Variants in PRR32 observed in about 807,000 individuals in gnomAD.
PRR32 encodes the protein proline-rich protein 32.
In PRR32, 2 loss-of-function variants were observed where a neutral mutation model predicts 1.3. The ratio of observed to expected loss-of-function variants is 1.49; its 90% confidence interval spans 0.61 to 4.68. The LOEUF (loss-of-function observed/expected upper bound fraction) is 4.68, where lower values mean the gene tolerates loss of function less well. Ranked by LOEUF, PRR32 falls within the 30% of genes most tolerant of loss-of-function variation. PRR32 has a pLI of 0.06. For synonymous variants in PRR32, 107 were observed against 88.7 expected (o/e 1.21, Z -1.16); for missense variants, 241 against 232.5 (o/e 1.04, Z -0.24).
rs770624331 is a variant in PRR32, at chrX:126,821,530, A to G, written c.892A>G (p.Ser298Gly). 1 of 1,161,547 alleles carries G rather than the reference A, an allele frequency of 8.6e-7. No homozygotes were observed. Among genetic ancestry groups the G allele is most frequent in the Non-Finnish European group, 1.1e-6 (1 of 871,327 alleles). The part of the protein sequence containing the change: ...PAPASPNREH[S>G] ...TCCTGCATCACCCAACAGAGAGCAC[A>G]GCTGATGGCAAAAAGGAAGGATGAA... The change falls in exon 2 of 2, where the codon AGC (serine) becomes GGC (glycine). Residue 298 changes from serine to glycine, a missense_variant. Coordinates refer to ENST00000371125, the MANE Select transcript of PRR32 (RefSeq NM_001122716.2).
rs991814712 is a variant in PRR32 at position 126,821,566 on chromosome X, T to C, written c.*31T>C. The C allele has an allele frequency of 3.7e-5, 42 of 1,149,373 alleles. No individual in the cohort carries two copies. The highest frequency in any genetic ancestry group is 4.5e-5 in the Non-Finnish European group (39 of 867,269). The allele number at this position is 1,149,373 out of a possible 1,213,427, so 94.7% of individuals were successfully genotyped here. A position where few individuals can be genotyped will look rare whatever the true frequency, so the allele number is the denominator to read the frequency against. On this transcript the variant is annotated 3_prime_UTR_variant, in exon 2 of 2. Transcript: ENST00000371125. The stretch of plus-strand genomic sequence containing the variant: ...AAAAGGAAGGATGAAAAAAGGGTTG[T>C]GGAAAGAGGTGAAAGTTATTCATTT...
At position 126,821,456 on chromosome X, in the gene PRR32, C is replaced by T. The variant is rs990785579; in HGVS notation, c.818C>T (p.Pro273Leu). Reference protein sequence around the residue: ...LPFAPPPIFGPPLPSYFAHFH... With the variant: ...LPFAPPPIFGLPLPSYFAHFH... ...TTTGCTCCTCCTCCGATATTTGGTC[C>T]TCCACTGCCTTCTTATTTTGCCCAT... The change falls in exon 2 of 2, where the codon CCT becomes CTT. Residue 273 changes from proline (P) to leucine (L), a missense_variant. Pro to Leu is a moderately conservative substitution (Grantham distance 98). Coordinates refer to ENST00000371125, the MANE Select transcript of PRR32 (RefSeq NM_001122716.2). 4 of 1,168,158 alleles carry T rather than the reference C, an allele frequency of 3.4e-6. No homozygotes were observed. The East Asian group carries it at 9.8e-5, about 28-fold the overall frequency.
At position 126,821,103 on chromosome X, in the gene PRR32, T is replaced by A. The variant is rs990838083; in HGVS notation, c.465T>A (p.Ser155Arg). ...KVNNGGTERGSNNARLHVALP... is the reference protein window; with the variant it reads ...KVNNGGTERGRNNARLHVALP... ...ACAATGGGGGCACTGAGAGAGGCAG[T>A]AATAACGCAAGGTTGCATGTAGCTT... The change falls in exon 2 of 2, where the codon AGT (serine) becomes AGA (arginine). Residue 155 changes from serine to arginine, a missense_variant. Physicochemically the swap from Ser to Arg is moderately radical, Grantham distance 110. Transcript: ENST00000371125. 1 of 1,165,927 alleles carries A rather than the reference T, an allele frequency of 8.6e-7. No individual in the cohort carries two copies.
chrX:126,821,186 ATATTCCCACCCTTAGATCAGGGATAG>A lies in PRR32; in HGVS notation c.551_576del (p.Ile184AsnfsTer32), dbSNP rs1569318116. ...GGCCCACAAGTGAGAGGCCCTTCAC[ATATTCCCACCCTTAGATCAGGGATAG>A]TAATGGAGGTGCCGCCCGGAAATAC... On this transcript the variant is annotated frameshift_variant, in exon 2 of 2. Transcript: ENST00000371125. LOFTEE classifies it low-confidence loss of function (END_TRUNC). 8.6e-7 allele frequency: 1 copy of A among 1,167,869 alleles called. No individual in the cohort carries two copies. Among genetic ancestry groups the A allele is most frequent in the East Asian group, 3.3e-5 (1 of 30,729 alleles).
rs1930543667 is a variant in PRR32 at position 126,820,860 on chromosome X, T to C, written c.222T>C (p.Ser74=). The C allele has an allele frequency of 8.6e-7, 1 of 1,167,720 alleles. No homozygotes were observed. The highest frequency in any genetic ancestry group is 1.1e-6 in the Non-Finnish European group (1 of 872,948). Residue 74 remains serine (S), a synonymous_variant, in exon 2 of 2, where the codon TCT becomes TCC. Transcript: ENST00000371125. The part of the protein sequence containing the change: ...DLDSKQLEWP[S]ERTGSCIPLH... ...ATAGCAAGCAACTGGAGTGGCCCTC[T>C]GAAAGAACAGGATCCTGCATTCCTC...
intron 1 of PRR32, among the ~76,000 whole-genome samples, chrX:126,820,253 T>G: frequency 9.2e-6 from 1 of 108,952 alleles, no homozygotes; most frequent in Middle Eastern, 4.7e-3. Flanking sequence ...AAGAAAAAGA[T>G]ATTTTACTTC....
At chrX:126,820,544 G>A in intron 1 of PRR32, 115 bp from the exon 2 acceptor site, 1 of 933,352 alleles carries the variant, frequency 1.1e-6, no homozygotes, top group Non-Finnish European at 1.4e-6. Flanking sequence ...TAGGGGAGAG[G>A]GCACTCCTTT....
At position 126,821,610 on chromosome X, in the gene PRR32, C is replaced by A. The variant is rs1229328296; in HGVS notation, c.*75C>A. ...TTCATTTATGCTTTTATATTTGAAA[C>A]CTTGTACCCTCCCACACTCTGTTTA... is the stretch of plus-strand genomic sequence containing the variant. On this transcript the variant is annotated 3_prime_UTR_variant, in exon 2 of 2. Transcript: ENST00000371125. The A allele has an allele frequency of 9.2e-7, 1 of 1,091,681 alleles. No homozygotes were observed. The highest frequency in any genetic ancestry group is 1.2e-6 in the Non-Finnish European group (1 of 827,808). 90.0% of individuals were successfully genotyped at this position (1,091,681 alleles called of 1,213,427 possible).
In PRR32 at chrX:126,821,303, T is replaced by A. The variant is rs1362442186; in HGVS notation, c.665T>A (p.Met222Lys). 1 of 1,168,560 alleles carries A rather than the reference T, an allele frequency of 8.6e-7. No individual in the cohort carries two copies. The highest frequency in any genetic ancestry group is 1.1e-6 in the Non-Finnish European group (1 of 873,176). ...SFPLRGPCHPMHNWPRPIPLS... is the reference protein window; with the variant it reads ...SFPLRGPCHPKHNWPRPIPLS... Reference sequence around the variant, plus strand: ...CCACTCAGGGGCCCATGCCACCCCATGCATAATTGGCCAAGGCCTATCCCG... The same window carrying A: ...CCACTCAGGGGCCCATGCCACCCCAAGCATAATTGGCCAAGGCCTATCCCG... Residue 222 changes from methionine (M) to lysine (K), a missense_variant, in exon 2 of 2, where the codon ATG (methionine) becomes AAG (lysine). Coordinates refer to ENST00000371125, the MANE Select transcript of PRR32 (RefSeq NM_001122716.2).
chrX:126,820,626 T>C (rs767745021), intron 1 of PRR32, 33 bp from the exon 2 acceptor site: 64 of 1,145,728 alleles, frequency 5.6e-5, no homozygotes, highest in Non-Finnish European at 7.0e-5. Context: ...GCATTTCCAT[T>C]TTTATTAGCT....
At chrX:126,819,931 T>TA in intron 1 of PRR32, 68 bp downstream of exon 1, 1 of 1,029,568 alleles carries the variant, frequency 9.7e-7, no homozygotes, top group East Asian at 3.4e-5. Context: ...CTTTATTGTG[T>TA]AACTGGGACA....
intron 1 of PRR32, 23 bp downstream of exon 1, chrX:126,819,886 C>A: frequency 8.6e-7 from 1 of 1,159,249 alleles, no homozygotes; most frequent in Non-Finnish European, 1.2e-6. Flanking sequence ...CCGAGTACAA[C>A]TGTTTAATTT....
chrX:126,821,027 G>C lies in PRR32; in HGVS notation c.389G>C (p.Trp130Ser). 1 of 1,165,113 alleles carries C rather than the reference G, an allele frequency of 8.6e-7. No individual in the cohort carries two copies. ...QEGQDAINVS[W>S]EVSGGPPALI... ...GGACAGGATGCTATTAATGTGTCCT[G>C]GGAAGTCTCTGGCGGCCCTCCTGCA... is the stretch of plus-strand genomic sequence containing the variant. The change falls in exon 2 of 2, where the codon TGG (tryptophan) becomes TCG (serine). Residue 130 changes from tryptophan (W) to serine (S), a missense_variant. Transcript: ENST00000371125.
chrX:126,819,861 C>T lies in PRR32; in HGVS notation c.18C>T (p.Asn6=), dbSNP rs775157981. 3.9e-5 allele frequency: 45 copies of T among 1,162,283 alleles called. No individual in the cohort carries two copies. Among genetic ancestry groups the T allele is most frequent in the African/African-American group, 1.8e-4 (10 of 55,453 alleles). ...ATTTCTTCATGGCTTGTATTGAAAACGTGTAAGTACAAAACCGAGTACAAC... is the reference window on the plus strand; with the variant it reads ...ATTTCTTCATGGCTTGTATTGAAAATGTGTAAGTACAAAACCGAGTACAAC... MACIE[N]VLGGHAPSPL... is the part of the protein sequence containing the mutation. Residue 6 remains asparagine (N), a splice_region_variant and synonymous_variant, in exon 1 of 2, where the codon AAC becomes AAT. Coordinates refer to ENST00000371125, the MANE Select transcript of PRR32 (RefSeq NM_001122716.2).
rs960369620 is a variant in PRR32, at chrX:126,821,564, T to C, written c.*29T>C. The C allele has an allele frequency of 3.2e-5, 37 of 1,152,518 alleles. No homozygotes were observed. The highest frequency in any genetic ancestry group is 2.3e-4 in the Middle Eastern group (1 of 4,262). 95.0% of individuals were successfully genotyped at this position (1,152,518 alleles called of 1,213,427 possible). A position where few individuals can be genotyped will look rare whatever the true frequency, so the allele number is the denominator to read the frequency against. On this transcript the variant is annotated 3_prime_UTR_variant, in exon 2 of 2. Coordinates refer to ENST00000371125, the MANE Select transcript of PRR32 (RefSeq NM_001122716.2). ...CAAAAAGGAAGGATGAAAAAAGGGT[T>C]GTGGAAAGAGGTGAAAGTTATTCAT...
rs1430047111 is a variant in PRR32, at chrX:126,820,697, T to C, written c.59T>C (p.Val20Ala). Residue 20 changes from valine (V) to alanine (A), a missense_variant, in exon 2 of 2, where the codon GTG becomes GCG. By Grantham distance (64) the Val-to-Ala change is moderately conservative. Coordinates refer to ENST00000371125, the MANE Select transcript of PRR32 (RefSeq NM_001122716.2). The part of the protein sequence containing the change: ...GHAPSPLVVS[V>A]DKNGNQELHH... ...GCCCCTTCACCCTTGGTAGTATCTG[T>C]GGACAAAAATGGGAACCAGGAGCTG... The C allele has an allele frequency of 1.1e-5, 13 of 1,167,876 alleles. No homozygotes were observed. Among genetic ancestry groups the C allele is most frequent in the Admixed American group, 2.6e-5 (1 of 38,729 alleles).
In PRR32 at chrX:126,821,371, C is replaced by T; in HGVS notation, c.733C>T (p.His245Tyr). The part of the protein sequence containing the change: ...TPGLPSCSTV[H>Y]CFIPPRPPIF... ...AGGTTTACCTTCTTGCTCTACTGTTCATTGTTTCATCCCTCCTCGACCTCC... is the reference window on the plus strand; with the variant it reads ...AGGTTTACCTTCTTGCTCTACTGTTTATTGTTTCATCCCTCCTCGACCTCC... Residue 245 changes from histidine to tyrosine, a missense_variant, in exon 2 of 2, where the codon CAT (histidine) becomes TAT (tyrosine). His to Tyr is a moderately conservative substitution (Grantham distance 83). Coordinates refer to ENST00000371125, the MANE Select transcript of PRR32 (RefSeq NM_001122716.2). 8.6e-7 allele frequency: 1 copy of T among 1,168,332 alleles called. No individual in the cohort carries two copies. Among genetic ancestry groups the T allele is most frequent in the South Asian group, 1.9e-5 (1 of 52,717 alleles).
chrX:126,820,598 A>T, intron 1 of PRR32, 61 bp from the exon 2 acceptor site: 1 of 1,097,607 alleles, frequency 9.1e-7, no homozygotes, highest in Admixed American at 3.0e-5. Context: ...TACATATTGT[A>T]GCTATTTTCT....
Position 126,821,009 on chromosome X carries a change from A to T in PRR32, c.371A>T (p.Asp124Val). The change falls in exon 2 of 2, where the codon GAT becomes GTT. Residue 124 changes from aspartate to valine, a missense_variant. Physicochemically the swap from Asp to Val is radical, Grantham distance 152. Coordinates refer to ENST00000371125, the MANE Select transcript of PRR32 (RefSeq NM_001122716.2). ...ALAGWRQEGQ[D>V]AINVSWEVSG... ...GCAGGCTGGAGGCAGGAGGGACAGGATGCTATTAATGTGTCCTGGGAAGTC... is the reference window on the plus strand; with the variant it reads ...GCAGGCTGGAGGCAGGAGGGACAGGTTGCTATTAATGTGTCCTGGGAAGTC... The T allele has an allele frequency of 8.6e-7, 1 of 1,162,664 alleles. No individual in the cohort carries two copies. Among genetic ancestry groups the T allele is most frequent in the African/African-American group, 1.8e-5 (1 of 56,227 alleles).
Sources: gnomAD v4.1 joint callset for allele counts (sites outside exome capture counted in the v4.1 genomes callset) on GRCh38, gnomAD v4.1.1 for gene constraint, MANE v1.5 for transcripts, NCBI Gene and HGNC (gene_info 2026-07-23, HGNC 2026-07-21) for gene names.